PRKG2: variants seen among roughly 807,000 people sequenced by gnomAD.
PRKG2 encodes cGMP-dependent protein kinase 2.
A neutral mutation model predicts 97.2 loss-of-function variants in PRKG2; 33 were observed. The ratio of observed to expected loss-of-function variants is 0.34; its 90% CI spans 0.26 to 0.45. PRKG2 has a LOEUF of 0.45. Ranked by LOEUF, PRKG2 falls within the 20% of genes least tolerant of loss-of-function variation. The pLI, the probability that PRKG2 is intolerant of heterozygous loss-of-function variation, is 1.00. For synonymous variants in PRKG2, 330 were observed against 321.8 expected (o/e 1.03, Z -0.27); for missense variants, 638 against 900.0 (o/e 0.71, Z 3.73).
chr4:81,209,373 C>A (rs1157238409), intron 1 of PRKG2, among the ~76,000 whole-genome samples: 1 of 152,002 alleles, frequency 6.6e-6, no homozygotes, highest in African/African-American at 2.4e-5. Context: ...TATACACAGA[C>A]AAACACACAC....
chr4:81,162,719 T>C (rs2110073750), intron 6 of PRKG2, among the ~76,000 whole-genome samples: 1 of 152,302 alleles, frequency 6.6e-6, no homozygotes, highest in African/African-American at 2.4e-5. Flanking sequence ...GCAGTGGAGA[T>C]GACTATGACC....
intron 6 of PRKG2, 78 bp downstream of exon 6, chr4:81,167,083 T>C: frequency 9.6e-7 from 1 of 1,037,198 alleles, no homozygotes; most frequent in South Asian, 1.6e-5. Context: ...CATCTTTTTA[T>C]TTATTTATGG....
chr4:81,114,144 C>T (rs1241830596), intron 14 of PRKG2, among the ~76,000 whole-genome samples: 1 of 152,074 alleles, frequency 6.6e-6, no homozygotes, highest in African/African-American at 2.4e-5. Context: ...CTTGAATTTA[C>T]AGAACCAATT....
intron 14 of PRKG2, among the ~76,000 whole-genome samples, chr4:81,132,790 A>G (rs569591306): frequency 2.0e-5 from 3 of 152,216 alleles, no homozygotes; most frequent in South Asian, 2.1e-4. Flanking sequence ...GTTTCCTTCC[A>G]TATCTGTTAG....
At chr4:81,183,714 C>A (rs563283118) in intron 2 of PRKG2, among the ~76,000 whole-genome samples, 6 of 152,128 alleles carry the variant, frequency 3.9e-5, no homozygotes, top group Non-Finnish European at 8.8e-5. Flanking sequence ...ATCCCACCCC[C>A]ACAGAGACCA....
rs867478376 is a variant in PRKG2, at chr4:81,110,954, C to T, written c.1777-343G>A. Among the ~76,000 whole-genome samples, 3 of 151,544 alleles carry T rather than the reference C, an allele frequency of 2.0e-5. No homozygotes were observed. In the South Asian group the frequency reaches 6.3e-4, roughly 32 times the overall value. ...ATAACAACAACTTTGAAGCTCAGGG[C>T]AAGCAGGACTAAACAGATGTTTAAT... On this transcript the variant is annotated intron_variant, in intron 14 of 18. Transcript: ENST00000264399.
intron 12 of PRKG2, among the ~76,000 whole-genome samples, chr4:81,139,573 C>T (rs1747051346): frequency 6.6e-6 from 1 of 151,250 alleles, no homozygotes; most frequent in South Asian, 2.1e-4. Flanking sequence ...CGAGACCGTC[C>T]TGGCTAACAC....
chr4:81,151,904 A>G, intron 8 of PRKG2, 56 bp downstream of exon 8: 1 of 1,349,648 alleles, frequency 7.4e-7, no homozygotes, highest in Non-Finnish European at 1.1e-6. Flanking sequence ...ATGATTTTAT[A>G]TAAAAAATAG....
intron 14 of PRKG2, among the ~76,000 whole-genome samples, chr4:81,130,254 C>T (rs1459107165): frequency 6.6e-6 from 1 of 152,114 alleles, no homozygotes; most frequent in Non-Finnish European, 1.5e-5. Context: ...ACAGTCAGGC[C>T]CCTCTGTTGC....
chr4:81,126,651 G>GT (rs1745604038), intron 14 of PRKG2, among the ~76,000 whole-genome samples: 1 of 152,084 alleles, frequency 6.6e-6, no homozygotes, highest in African/African-American at 2.4e-5. Context: ...TCTTTCATAT[G>GT]TTTTTTGCAC....
At chr4:81,171,023 T>A (rs969872282) in intron 4 of PRKG2, among the ~76,000 whole-genome samples, 1 of 152,128 alleles carries the variant, frequency 6.6e-6, no homozygotes, top group East Asian at 1.9e-4. Flanking sequence ...AATTTAATTT[T>A]AATTTCCAGG....
chr4:81,139,124 G>A (rs1747001688), intron 12 of PRKG2, among the ~76,000 whole-genome samples: 1 of 152,074 alleles, frequency 6.6e-6, no homozygotes, highest in South Asian at 2.1e-4. Flanking sequence ...AGAAAGCTGT[G>A]GTCTATAATA....
At chr4:81,102,731 T>C (rs916429389) in intron 17 of PRKG2, among the ~76,000 whole-genome samples, 1 of 152,172 alleles carries the variant, frequency 6.6e-6, no homozygotes, top group African/African-American at 2.4e-5. Context: ...ATACATGGCT[T>C]TATGTCGAGT....
intron 15 of PRKG2, among the ~76,000 whole-genome samples, chr4:81,107,564 G>A (rs1162448969): frequency 1.3e-5 from 2 of 152,052 alleles, no homozygotes; most frequent in African/African-American, 4.8e-5. Context: ...TCAGGCTGGA[G>A]TGCAGTGGTG....
intron 17 of PRKG2, among the ~76,000 whole-genome samples, chr4:81,101,867 GTTTTT>G (rs1033670788): frequency 6.6e-6 from 1 of 152,022 alleles, no homozygotes; most frequent in Non-Finnish European, 1.5e-5. Context: ...TTGTTTGTTT[GTTTTT>G]AACTCTAAGA....
At chr4:81,162,888 C>T (rs1167444543) in intron 6 of PRKG2, among the ~76,000 whole-genome samples, 2 of 152,182 alleles carry the variant, frequency 1.3e-5, no homozygotes, top group Admixed American at 6.5e-5. Context: ...TTTCAGTCCT[C>T]ATTACCCACA....
chr4:81,111,450 TTAA>T (rs1743967508), intron 14 of PRKG2, among the ~76,000 whole-genome samples: 1 of 147,414 alleles, frequency 6.8e-6, no homozygotes, highest in Admixed American at 6.6e-5. Flanking sequence ...TTATACATGA[TTAA>T]TATTATATCA....
At chr4:81,185,632 C>T (rs991647693) in intron 2 of PRKG2, among the ~76,000 whole-genome samples, 4 of 151,680 alleles carry the variant, frequency 2.6e-5, no homozygotes, top group South Asian at 4.1e-4. Context: ...TAATATTAAC[C>T]TTAAATGTAA....
chr4:81,137,762 C>T (rs1027432158), intron 12 of PRKG2, among the ~76,000 whole-genome samples: 2 of 152,206 alleles, frequency 1.3e-5, no homozygotes, highest in African/African-American at 4.8e-5. Context: ...TCAGGGCCAA[C>T]CTCCAAGGCC....
Sources: gnomAD v4.1 joint callset for allele counts (sites outside exome capture counted in the v4.1 genomes callset) on GRCh38, gnomAD v4.1.1 for gene constraint, MANE v1.5 for transcripts, NCBI Gene and HGNC (gene_info 2026-07-23, HGNC 2026-07-21) for gene names.